The following AR variants were observed in gnomAD, a reference collection of about 807,000 sequenced individuals.
AR encodes dihydrotestosterone receptor.
In AR, 8 loss-of-function variants were observed where a neutral mutation model predicts 53.9. That is an observed-to-expected ratio of 0.15 (90% CI 0.09 to 0.27). The LOEUF (loss-of-function observed/expected upper bound fraction) is 0.27. Ranked by LOEUF, AR falls within the 10% of genes least tolerant of loss-of-function variation. AR has a pLI of 1.00. For synonymous variants in AR, 359 were observed against 316.4 expected (o/e 1.13, Z -1.43); for missense variants, 639 against 742.5 (o/e 0.86, Z 1.62).
chrX:67,567,649 G>A (rs775831703), intron 1 of AR, among the ~76,000 whole-genome samples: 1 of 111,727 alleles, frequency 9.0e-6, no homozygotes, highest in African/African-American at 3.3e-5. Context: ...GCAGACCTAC[G>A]CTTAAAATAC....
chrX:67,612,865 CAAG>C (rs1923944289), intron 1 of AR, among the ~76,000 whole-genome samples: 1 of 112,106 alleles, frequency 8.9e-6, no homozygotes, highest in Non-Finnish European at 1.9e-5. Context: ...CAAGTGCAAC[CAAG>C]AAGATGGAGG....
At chrX:67,705,905 A>T (rs933331952) in intron 3 of AR, among the ~76,000 whole-genome samples, 3 of 111,772 alleles carry the variant, frequency 2.7e-5, no homozygotes, top group Non-Finnish European at 5.6e-5. Flanking sequence ...TGAGATAATC[A>T]TGTGGTTTTT....
At chrX:67,690,943 G>A (rs780608894) in intron 3 of AR, among the ~76,000 whole-genome samples, 2 of 111,693 alleles carry the variant, frequency 1.8e-5, no homozygotes, top group African/African-American at 3.2e-5. Context: ...AATGGTAAGG[G>A]CAAGCTGAAA....
At chrX:67,692,536 A>T (rs1373576942) in intron 3 of AR, among the ~76,000 whole-genome samples, 2 of 111,949 alleles carry the variant, frequency 1.8e-5, no homozygotes, top group Admixed American at 9.5e-5. Context: ...AGTACAATAG[A>T]CTCAGATACA....
At chrX:67,553,914 C>G (rs748752608) in intron 1 of AR, among the ~76,000 whole-genome samples, 1 of 111,801 alleles carries the variant, frequency 8.9e-6, no homozygotes, top group African/African-American at 3.2e-5. Flanking sequence ...GCTGAAAATA[C>G]CTGAGTTTTG....
At chrX:67,689,123 A>G (rs1685811094) in intron 3 of AR, among the ~76,000 whole-genome samples, 1 of 111,375 alleles carries the variant, frequency 9.0e-6, no homozygotes, top group Non-Finnish European at 1.9e-5. Flanking sequence ...GGCTTCACCG[A>G]GGACCTTTCT....
intron 1 of AR, among the ~76,000 whole-genome samples, chrX:67,586,616 T>C (rs986283387): frequency 8.9e-6 from 1 of 112,565 alleles, no homozygotes; most frequent in African/African-American, 3.2e-5. Context: ...ACCTTCAACC[T>C]TTCAGGCTTC....
At chrX:67,647,339 T>C (rs1224946529) in intron 2 of AR, among the ~76,000 whole-genome samples, 2 of 111,705 alleles carry the variant, frequency 1.8e-5, no homozygotes, top group Non-Finnish European at 3.8e-5. Context: ...TGATTCTCTC[T>C]CTCACTCCAG....
Position 67,573,676 on chromosome X carries a change from A to G in AR, c.1616+26914A>G, listed in dbSNP as rs1042295934. Among the ~76,000 whole-genome samples, 5 of 111,725 alleles carry G rather than the reference A, an allele frequency of 4.5e-5. No homozygotes were observed. In the South Asian group the frequency reaches 1.9e-3, roughly 42 times the overall value. ...GGCTCTTGCCCTACCACCCTTTGGC[A>G]AACAATTTGAGGGTGGCATTGTCAC... On this transcript the variant is annotated intron_variant, in intron 1 of 7. Coordinates refer to ENST00000374690, the MANE Select transcript of AR (RefSeq NM_000044.6).
At position 67,724,043 on chromosome X, in the gene AR, T is replaced by TATC. The variant is rs2076148476; in HGVS notation, c.*203_*205dup. 1 of 486,869 alleles carries TATC rather than the reference T, an allele frequency of 2.1e-6. No individual in the cohort carries two copies. The highest frequency in any genetic ancestry group is 3.4e-5 in the South Asian group (1 of 29,605). The allele number at this position is 486,869 out of a possible 1,213,427, so 40.1% of individuals were successfully genotyped here. A position where few individuals can be genotyped will look rare whatever the true frequency, so the allele number is the denominator to read the frequency against. On this transcript the variant is annotated 3_prime_UTR_variant, in exon 8 of 8. Transcript: ENST00000374690. ...TCCTTTCTTTTTCTTCTTCCCTCCC[T>TATC]ATCTAACCCTCCCATGGCACCTTCA...
intron 3 of AR, among the ~76,000 whole-genome samples, chrX:67,687,731 T>C (rs1487624730): frequency 8.9e-6 from 1 of 112,352 alleles, no homozygotes; most frequent in Non-Finnish European, 1.9e-5. Flanking sequence ...GAATTATGTA[T>C]AGTATAAAAG....
At chrX:67,637,481 T>A (rs1454666409) in intron 1 of AR, among the ~76,000 whole-genome samples, 4 of 108,375 alleles carry the variant, frequency 3.7e-5, no homozygotes, top group Non-Finnish European at 7.6e-5. Context: ...TCCAGCTTCA[T>A]CCATGTCCCT....
chrX:67,711,074 T>C lies in AR; in HGVS notation c.1886-328T>C, dbSNP rs774211259. Among the ~76,000 whole-genome samples the C allele has an allele frequency of 2.7e-5, 3 of 112,060 alleles. No homozygotes were observed. The South Asian group carries it at 1.1e-3, about 42-fold the overall frequency. ...TGAACGAAAATGAATCATTAATATA[T>C]TAGTAAATACGTTAATTAAAGTTCC... On this transcript the variant is annotated intron_variant, in intron 3 of 7. Transcript: ENST00000374690.
chrX:67,661,558 T>C, intron 2 of AR, among the ~76,000 whole-genome samples: 1 of 111,805 alleles, frequency 8.9e-6, no homozygotes, highest in South Asian at 3.8e-4. Context: ...ATCCCAGGGA[T>C]GAAGCCCACT....
At chrX:67,583,453 T>C (rs891008784) in intron 1 of AR, among the ~76,000 whole-genome samples, 3 of 111,805 alleles carry the variant, frequency 2.7e-5, no homozygotes, top group African/African-American at 9.7e-5. Context: ...GGCCATTACA[T>C]TGCCATGGGG....
chrX:67,694,934 G>C, intron 3 of AR: 2 of 1,030,126 alleles, frequency 1.9e-6, no homozygotes, highest in Non-Finnish European at 2.5e-6. Flanking sequence ...GTGAGGACGG[G>C]CTGTAGAAGT....
chrX:67,561,112 T>C (rs1456697154), intron 1 of AR, among the ~76,000 whole-genome samples: 2 of 112,461 alleles, frequency 1.8e-5, no homozygotes, highest in African/African-American at 6.5e-5. Context: ...GATAACGTCC[T>C]TCTAAATATA....
At chrX:67,579,978 C>T (rs761353238) in intron 1 of AR, among the ~76,000 whole-genome samples, 5 of 110,713 alleles carry the variant, frequency 4.5e-5, no homozygotes, top group African/African-American at 1.6e-4. Context: ...TACTCTTTCT[C>T]CCAGTTGGCA....
chrX:67,608,807 A>C (rs1406873768), intron 1 of AR, among the ~76,000 whole-genome samples: 1 of 112,004 alleles, frequency 8.9e-6, no homozygotes, highest in Non-Finnish European at 1.9e-5. Context: ...TGTTTATATT[A>C]AACATGGTTT....
Sources: allele counts gnomAD v4.1 joint callset (sites outside exome capture counted in the v4.1 genomes callset), GRCh38; gene constraint gnomAD v4.1.1; transcripts MANE v1.5; gene names NCBI Gene and HGNC (gene_info 2026-07-23, HGNC 2026-07-21).